TGFB1: variants seen among roughly 807,000 people sequenced by gnomAD.
TGFB1 encodes the protein transforming growth factor beta 1.
Under a neutral mutation model 43.8 loss-of-function variants are expected in TGFB1, and 19 were observed. The ratio of observed to expected loss-of-function variants is 0.43; its 90% CI spans 0.30 to 0.64. TGFB1 has a LOEUF of 0.64. Among genes scored for constraint, TGFB1 ranks in the 30% least tolerant of loss-of-function variants. The pLI is 0.11. For synonymous variants in TGFB1, 221 were observed against 236.3 expected (o/e 0.94, Z 0.60); for missense variants, 445 against 529.8 (o/e 0.84, Z 1.57).
intron 5 of TGFB1, among the ~76,000 whole-genome samples, chr19:41,335,228 A>AT (rs1229039474): frequency 6.6e-6 from 1 of 151,662 alleles, no homozygotes; most frequent in Non-Finnish European, 1.5e-5. Flanking sequence ...AATTTTTTGT[A>AT]TTTTTAGTAG....
intron 6 of TGFB1, 63 bp from the exon 7 acceptor site, chr19:41,331,273 GC>G: frequency 7.0e-7 from 1 of 1,435,018 alleles, no homozygotes; most frequent in Non-Finnish European, 9.1e-7. Flanking sequence ...GCCCTCCACT[GC>G]CCCATCCCCC....
chr19:41,342,167 C>T lies in TGFB1; in HGVS notation c.712+3G>A, dbSNP rs111781417. 7 of 1,610,002 alleles carry T rather than the reference C, an allele frequency of 4.3e-6. No homozygotes were observed. In the Admixed American group the frequency reaches 5.0e-5, roughly 12 times the overall value. On this transcript the variant is annotated splice_donor_region_variant and intron_variant, in intron 4 of 6. Coordinates refer to ENST00000221930, the MANE Select transcript of TGFB1 (RefSeq NM_000660.7). ...TGGGCATGGCCGGGGAAGCAGGCCT[C>T]ACCGTTGATGTCCACTTGCAGTGTG...
intron 2 of TGFB1, among the ~76,000 whole-genome samples, chr19:41,347,229 C>T (rs1273382263): frequency 6.6e-6 from 1 of 152,048 alleles, no homozygotes; most frequent in Non-Finnish European, 1.5e-5. Context: ...CAACATGTTG[C>T]CCAGACTGGT....
chr19:41,353,005 G>T lies in TGFB1; in HGVS notation c.40C>A (p.Pro14Thr). The change falls in exon 1 of 7, where the codon CCG becomes ACG. Residue 14 changes from proline (P) to threonine (T), a missense_variant. Transcript: ENST00000221930. This position sits in a 1 kb window ranked among gnomAD's most constrained non-coding sequence, Gnocchi z 5.9. ...GTCAGCACCAGTAGCCACAGCAGCG[G>T]TAGCAGCAGCGGCAGCAGCCGCAGC... ...SGLRLLPLLL[P>T]LLWLLVLTPG... is the part of the protein sequence containing the mutation. The T allele has an allele frequency of 6.5e-7, 1 of 1,534,944 alleles. No individual in the cohort carries two copies. The highest frequency in any genetic ancestry group is 1.2e-5 in the South Asian group (1 of 83,954).
Position 41,352,982 on chromosome 19 carries a change from C to A in TGFB1, c.63G>T (p.Leu21=). 6.5e-7 allele frequency: 1 copy of A among 1,541,504 alleles called. No homozygotes were observed. Among genetic ancestry groups the A allele is most frequent in the South Asian group, 1.2e-5 (1 of 84,366 alleles). The change falls in exon 1 of 7, where the codon CTG becomes CTT. Residue 21 remains leucine, a synonymous_variant. Coordinates refer to ENST00000221930, the MANE Select transcript of TGFB1 (RefSeq NM_000660.7). ...LLLPLLWLLV[L]TPGRPAAGLS... Reference sequence around the variant, plus strand: ...GTCCCGCGGCCGGCCGGCCAGGCGTCAGCACCAGTAGCCACAGCAGCGGTA... The same window carrying A: ...GTCCCGCGGCCGGCCGGCCAGGCGTAAGCACCAGTAGCCACAGCAGCGGTA...
At chr19:41,345,277 A>G (rs966292298) in intron 2 of TGFB1, among the ~76,000 whole-genome samples, 7 of 149,472 alleles carry the variant, frequency 4.7e-5, no homozygotes, top group Admixed American at 1.3e-4. Flanking sequence ...TGGGTGGATC[A>G]CTTGAGGTCA....
intron 5 of TGFB1, among the ~76,000 whole-genome samples, chr19:41,332,561 G>A (rs977754623): frequency 8.5e-5 from 13 of 152,300 alleles, no homozygotes; most frequent in Non-Finnish European, 1.5e-4. Context: ...CCACGGGGGG[G>A]CTAAATAAAT....
chr19:41,336,577 A>G (rs1393508925), intron 5 of TGFB1, among the ~76,000 whole-genome samples: 2 of 150,432 alleles, frequency 1.3e-5, no homozygotes, highest in African/African-American at 4.9e-5. Context: ...TTTTTGGGAG[A>G]TGGGGTTTCA....
intron 3 of TGFB1, among the ~76,000 whole-genome samples, chr19:41,344,062 A>G (rs2038088693): frequency 7.1e-6 from 1 of 140,204 alleles, no homozygotes; most frequent in Non-Finnish European, 1.5e-5. Context: ...GACTCACTGC[A>G]GCCTCGACCT....
intron 5 of TGFB1, among the ~76,000 whole-genome samples, chr19:41,340,387 G>A (rs924715159): frequency 6.6e-6 from 1 of 151,474 alleles, no homozygotes; most frequent in Non-Finnish European, 1.5e-5. Flanking sequence ...CTGGGTACCT[G>A]GATAGCCGTA....
Position 41,341,718 on chromosome 19 carries a change from C to G in TGFB1, c.860+165G>C, listed in dbSNP as rs112163437. Among the ~76,000 whole-genome samples, 274 of 152,166 alleles carry G rather than the reference C, an allele frequency of 1.8e-3. 3 individuals carry two copies. The highest frequency in any genetic ancestry group is 6.2e-3 in the African/African-American group (257 of 41,530). ...AGCCACCGCACCTGGCACAAGACTC[C>G]TGGTTCTTACACCCAGACCTCATCC... On this transcript the variant is annotated intron_variant, in intron 5 of 6. Coordinates refer to ENST00000221930, the MANE Select transcript of TGFB1 (RefSeq NM_000660.7).
In TGFB1 at chr19:41,331,111, G is replaced by A. The variant is rs770505137; in HGVS notation, c.1114C>T (p.Arg372Cys). 1 of 1,588,054 alleles carries A rather than the reference G, an allele frequency of 6.3e-7. No homozygotes were observed. The highest frequency in any genetic ancestry group is 1.1e-5 in the South Asian group (1 of 87,640). The change falls in exon 7 of 7, where the codon CGC (arginine) becomes TGC (cysteine). Residue 372 changes from arginine to cysteine, a missense_variant. By Grantham distance (180) the Arg-to-Cys change is radical. Transcript: ENST00000221930. ...EPLPIVYYVG[R>C]KPKVEQLSNM... ...GACAGCTGCTCCACCTTGGGCTTGCGGCCCACGTAGTACACGATGGGCAGC... is the reference window on the plus strand; with the variant it reads ...GACAGCTGCTCCACCTTGGGCTTGCAGCCCACGTAGTACACGATGGGCAGC...
rs2037921469 is a variant in TGFB1 at position 41,330,914 on chromosome 19, T to G, written c.*138A>C. ...CGCCCAATGACACAGAGATCCGCAG[T>G]CCTCTCTCCATCTTTAATGGGGCCC... is the stretch of plus-strand genomic sequence containing the variant. On this transcript the variant is annotated 3_prime_UTR_variant, in exon 7 of 7. Coordinates refer to ENST00000221930, the MANE Select transcript of TGFB1 (RefSeq NM_000660.7). 1 of 685,922 alleles carries G rather than the reference T, an allele frequency of 1.5e-6. No individual in the cohort carries two copies. Among genetic ancestry groups the G allele is most frequent in the African/African-American group, 1.9e-5 (1 of 51,434 alleles). 42.5% of individuals were successfully genotyped at this position (685,922 alleles called of 1,614,324 possible).
intron 3 of TGFB1, among the ~76,000 whole-genome samples, chr19:41,343,980 C>CTTTTTTTTTTTTTTT (rs3061192): frequency 1.0e-5 from 1 of 98,638 alleles, no homozygotes. Context: ...TGCCTGGAAT[C>CTTTTTTTTTTTTTTT]TTTTTTTTTT....
chr19:41,348,188 G>T, intron 2 of TGFB1, 107 bp downstream of exon 2: 3 of 1,281,664 alleles, frequency 2.3e-6, no homozygotes, highest in Non-Finnish European at 2.2e-6. Context: ...ATCCTTCAGG[G>T]ACCATCTAGG....
intron 1 of TGFB1, among the ~76,000 whole-genome samples, chr19:41,352,422 G>GA (rs2123116949): frequency 7.5e-6 from 1 of 133,424 alleles, no homozygotes; most frequent in South Asian, 2.4e-4. Flanking sequence ...CTAGGGGACT[G>GA]CCCCCACGAC....
chr19:41,337,552 C>T (rs945871813), intron 5 of TGFB1, among the ~76,000 whole-genome samples: 4 of 152,028 alleles, frequency 2.6e-5, no homozygotes, highest in African/African-American at 7.2e-5. Flanking sequence ...GCTGGGATTA[C>T]GGGTGTGAGC....
intron 5 of TGFB1, among the ~76,000 whole-genome samples, chr19:41,333,209 A>AT (rs1161079448): frequency 0.15 from 13,116 of 86,682 alleles, 1,504 homozygotes; most frequent in East Asian, 0.26. Context: ...TTTTTTTTCT[A>AT]TTTTTTTTTT....
At position 41,331,202 on chromosome 19, in the gene TGFB1, G is replaced by T; in HGVS notation, c.1023C>A (p.Ala341=). 1 of 1,527,868 alleles carries T rather than the reference G, an allele frequency of 6.5e-7. No homozygotes were observed. Among genetic ancestry groups the T allele is most frequent in the Non-Finnish European group, 8.8e-7 (1 of 1,137,822 alleles). The allele number at this position is 1,527,868 out of a possible 1,614,324, so 94.6% of individuals were successfully genotyped here. A position where few individuals can be genotyped will look rare whatever the true frequency, so the allele number is the denominator to read the frequency against. Reference sequence around the variant, plus strand: ...CGCCCGGGTTATGCTGGTTGTACAGGGCCAGGACCTGCGGGCGGCGGGCGG... The same window carrying T: ...CGCCCGGGTTATGCTGGTTGTACAGTGCCAGGACCTGCGGGCGGCGGGCGG... ...SLDTQYSKVL[A]LYNQHNPGAS... is the part of the protein sequence containing the mutation. The change falls in exon 7 of 7, where the codon GCC becomes GCA. Residue 341 remains alanine (A), a synonymous_variant. Coordinates refer to ENST00000221930, the MANE Select transcript of TGFB1 (RefSeq NM_000660.7).
Sources: gnomAD v4.1 joint callset for allele counts (sites outside exome capture counted in the v4.1 genomes callset) on GRCh38, gnomAD v4.1.1 for gene constraint, Gnocchi (gnomAD v3.1) non-coding constraint, MANE v1.5 for transcripts, NCBI Gene and HGNC (gene_info 2026-07-23, HGNC 2026-07-21) for gene names.